Variants in SPEN observed in about 807,000 individuals in gnomAD.
SPEN encodes msx2-interacting protein.
In SPEN, 18 loss-of-function variants were observed where a neutral mutation model predicts 269.9. The ratio of observed to expected loss-of-function variants is 0.07; its 90% CI spans 0.05 to 0.10. The LOEUF is 0.10. SPEN is among the 10% of genes least tolerant of loss of function. The pLI is 1.00. For synonymous variants in SPEN, 1,726 were observed against 1,765.7 expected, an observed-to-expected ratio of 0.98 and a Z score of 0.56; for missense variants, 3,822 against 4,631.2, an observed-to-expected ratio of 0.83 and a Z score of 5.07.
rs777364899 is a variant in SPEN, at chr1:15,933,456, C to G, written c.7216C>G (p.Pro2406Ala). Reference protein sequence around the residue: ...QSCTSDLSKIPSTENSSQEIS... With the variant: ...QSCTSDLSKIASTENSSQEIS... ...ATGTACTTCTGACCTAAGCAAGATT[C>G]CCTCCACAGAGAATTCGTCCCAAGA... Residue 2406 changes from proline to alanine, a missense_variant, in exon 11 of 15, where the codon CCC (proline) becomes GCC (alanine). Transcript: ENST00000375759. The surrounding 1 kb of genome is among the most constrained non-coding windows in gnomAD (Gnocchi z 5.7). 4.3e-6 allele frequency: 7 copies of G among 1,614,024 alleles called. No individual in the cohort carries two copies. In the African/African-American group the frequency reaches 9.3e-5, roughly 22 times the overall value.
At chr1:15,853,122 G>A (rs529823577) in intron 1 of SPEN, among the ~76,000 whole-genome samples, 1 of 152,282 alleles carries the variant, frequency 6.6e-6, no homozygotes, top group East Asian at 1.9e-4. Flanking sequence ...AGAGTGCTGG[G>A]ATTATAGGCA....
intron 3 of SPEN, among the ~76,000 whole-genome samples, chr1:15,879,940 G>A (rs1191754467): frequency 3.3e-5 from 5 of 152,126 alleles, no homozygotes; most frequent in Non-Finnish European, 5.9e-5. Context: ...AAAGTGCTGG[G>A]ATTACAGGCG....
chr1:15,931,594 C>T lies in SPEN; in HGVS notation c.5354C>T (p.Pro1785Leu), dbSNP rs1162140527. 3 of 1,614,138 alleles carry T rather than the reference C, an allele frequency of 1.9e-6. No individual in the cohort carries two copies. In the South Asian group the frequency reaches 3.3e-5, roughly 18 times the overall value. Residue 1785 changes from proline (P) to leucine (L), a missense_variant, in exon 11 of 15, where the codon CCT becomes CTT. By Grantham distance (98) the Pro-to-Leu change is moderately conservative. This residue lies in a region of SPEN where 533 missense variants were observed against 618.8 expected (regional missense o/e 0.86). Coordinates refer to ENST00000375759, the MANE Select transcript of SPEN (RefSeq NM_015001.3). This position sits in a 1 kb window ranked among gnomAD's most constrained non-coding sequence, Gnocchi z 4.8. ...EKPDATADAE[P>L]DANQKAEAAP... The stretch of plus-strand genomic sequence containing the variant: ...CCAGACGCCACTGCAGATGCTGAGC[C>T]TGATGCAAACCAGAAAGCCGAAGCT...
At chr1:15,867,956 C>G (rs2070531960) in intron 1 of SPEN, among the ~76,000 whole-genome samples, 1 of 151,970 alleles carries the variant, frequency 6.6e-6, no homozygotes, top group Non-Finnish European at 1.5e-5. Flanking sequence ...GCTTCAGCCT[C>G]CTGAGTAGCT....
chr1:15,892,559 G>T (rs1432283211), intron 3 of SPEN, among the ~76,000 whole-genome samples: 2 of 152,002 alleles, frequency 1.3e-5, no homozygotes, highest in Non-Finnish European at 2.9e-5. Flanking sequence ...TAATAGAAAA[G>T]CCTCTTGGGA....
chr1:15,871,962 C>T (rs186048168), intron 1 of SPEN, among the ~76,000 whole-genome samples: 1 of 152,186 alleles, frequency 6.6e-6, no homozygotes, highest in Admixed American at 6.5e-5. Flanking sequence ...AGGCCGGGTG[C>T]TGTGGCTCAT....
intron 10 of SPEN, among the ~76,000 whole-genome samples, chr1:15,923,578 T>C (rs1570052174): frequency 6.6e-6 from 1 of 152,356 alleles, no homozygotes. Flanking sequence ...CTACTGCCTC[T>C]TCTTGCCAAT....
At chr1:15,853,034 G>T (rs2070351140) in intron 1 of SPEN, among the ~76,000 whole-genome samples, 2 of 151,852 alleles carry the variant, frequency 1.3e-5, no homozygotes, top group Admixed American at 1.3e-4. Context: ...TTTTTTATAG[G>T]GATGGAAGGT....
Position 15,932,299 on chromosome 1 carries a change from A to G in SPEN, c.6059A>G (p.Gln2020Arg), listed in dbSNP as rs183662835. The stretch of plus-strand genomic sequence containing the variant: ...GAGGCCACCACTGAGGTGGGCCCCC[A>G]AATAGGCGTGAAAGAGAGCTCCATG... ...RPEATTEVGP[Q>R]IGVKESSMEP... is the part of the protein sequence containing the mutation. Residue 2020 changes from glutamine to arginine, a missense_variant, in exon 11 of 15, where the codon CAA becomes CGA. By Grantham distance (43) the Gln-to-Arg change is conservative (BLOSUM62 1). Transcript: ENST00000375759. This position sits in a 1 kb window ranked among gnomAD's most constrained non-coding sequence, Gnocchi z 4.2. 13 of 1,607,612 alleles carry G rather than the reference A, an allele frequency of 8.1e-6. No homozygotes were observed. In the East Asian group the frequency reaches 2.9e-4, roughly 36 times the overall value.
At chr1:15,902,053 C>G (rs1274829278) in intron 3 of SPEN, among the ~76,000 whole-genome samples, 1 of 151,228 alleles carries the variant, frequency 6.6e-6, no homozygotes, top group Non-Finnish European at 1.5e-5. Flanking sequence ...CTTAGCCTCC[C>G]AAGTAGCTGG....
rs769251513 is a variant in SPEN, at chr1:15,932,126, AGAG to A, written c.5893_5895del (p.Glu1965del). On this transcript the variant is annotated inframe_deletion, in exon 11 of 15. Coordinates refer to ENST00000375759, the MANE Select transcript of SPEN (RefSeq NM_015001.3). This position sits in a 1 kb window ranked among gnomAD's most constrained non-coding sequence, Gnocchi z 4.2. ...CAAAGACACGCCGGCGAGCCGATGA[AGAG>A]GAGGAGAACGAGGCCAAGGAACCTG... 75 of 1,613,890 alleles carry A rather than the reference AGAG, an allele frequency of 4.6e-5. No homozygotes were observed. In the Admixed American group the frequency reaches 1.0e-3, roughly 22 times the overall value.
At position 15,892,324 on chromosome 1, in the gene SPEN, C is replaced by T. The variant is rs1313413439; in HGVS notation, c.881+15646C>T. 2.6e-5 allele frequency among the ~76,000 whole-genome samples: 4 copies of T among 152,078 alleles called. No homozygotes were observed. The South Asian group carries it at 6.2e-4, about 24-fold the overall frequency. ...CAGGCGTGAGCCACTGCTCCCAGCT[C>T]TTCGTTTTACTTTTTAAAATATGAC... On this transcript the variant is annotated intron_variant, in intron 3 of 14. Transcript: ENST00000375759.
Position 15,902,021 on chromosome 1 carries a change from C to T in SPEN, c.882-7300C>T, listed in dbSNP as rs977682247. ...TCGGCTCGCTGCAACCTCCACTTCCCAGGTTCAAACGATTCTCATGCCTTA... is the reference window on the plus strand; with the variant it reads ...TCGGCTCGCTGCAACCTCCACTTCCTAGGTTCAAACGATTCTCATGCCTTA... On this transcript the variant is annotated intron_variant, in intron 3 of 14. Transcript: ENST00000375759. Among the ~76,000 whole-genome samples the T allele has an allele frequency of 4.4e-4, 66 of 150,198 alleles. 1 individual carries two copies. The highest frequency in any genetic ancestry group is 1.3e-4 in the Admixed American group (2 of 14,996).
At position 15,931,803 on chromosome 1, in the gene SPEN, T is replaced by G; in HGVS notation, c.5563T>G (p.Ser1855Ala). Reference sequence around the variant, plus strand: ...GATAGACCGGGAAAAACTCAAGCGGTCCAATTCTCCTCGGGGAGAAGCACA... The same window carrying G: ...GATAGACCGGGAAAAACTCAAGCGGGCCAATTCTCCTCGGGGAGAAGCACA... ...ERIDREKLKR[S>A]NSPRGEAQKL... Residue 1855 changes from serine (S) to alanine (A), a missense_variant, in exon 11 of 15, where the codon TCC becomes GCC. Around this residue, in one of 16 missense-constraint regions of SPEN, gnomAD observed 533 missense variants for 618.8 expected, o/e 0.86. Coordinates refer to ENST00000375759, the MANE Select transcript of SPEN (RefSeq NM_015001.3). The surrounding 1 kb of genome is among the most constrained non-coding windows in gnomAD (Gnocchi z 4.8). 1 of 1,614,102 alleles carries G rather than the reference T, an allele frequency of 6.2e-7. No individual in the cohort carries two copies. The highest frequency in any genetic ancestry group is 8.5e-7 in the Non-Finnish European group (1 of 1,180,028).
At chr1:15,906,301 A>G (rs1017799220) in intron 3 of SPEN, among the ~76,000 whole-genome samples, 4 of 152,128 alleles carry the variant, frequency 2.6e-5, no homozygotes, top group African/African-American at 9.7e-5. Context: ...TAATTCATTG[A>G]TAAGGGGCCT....
intron 3 of SPEN, among the ~76,000 whole-genome samples, chr1:15,904,915 T>A (rs1462927695): frequency 2.0e-5 from 3 of 150,588 alleles, no homozygotes; most frequent in African/African-American, 7.3e-5. Context: ...TGAGACGGAG[T>A]TTCGCCCTTA....
intron 13 of SPEN, 69 bp from the exon 14 acceptor site, chr1:15,938,649 T>C: frequency 6.8e-7 from 1 of 1,470,072 alleles, no homozygotes; most frequent in Middle Eastern, 2.0e-4. Context: ...GACCTGATAC[T>C]GTGGGTTGGA....
chr1:15,890,484 C>A (rs1470177597), intron 3 of SPEN, among the ~76,000 whole-genome samples: 1 of 151,718 alleles, frequency 6.6e-6, no homozygotes, highest in African/African-American at 2.4e-5. Flanking sequence ...CCCACCCCGA[C>A]CTCCCAAAGT....
intron 1 of SPEN, among the ~76,000 whole-genome samples, chr1:15,862,048 T>TA (rs1050644643): frequency 1.3e-5 from 2 of 151,868 alleles, no homozygotes; most frequent in East Asian, 1.9e-4. Context: ...TCTCAAAAAA[T>TA]AAAAAAACAA....
Sources: gnomAD v4.1 joint callset for allele counts (sites outside exome capture counted in the v4.1 genomes callset) on GRCh38, gnomAD v4.1.1 for gene constraint, gnomAD v4.1.1 regional missense constraint, Gnocchi (gnomAD v3.1) non-coding constraint, MANE v1.5 for transcripts, NCBI Gene and HGNC (gene_info 2026-07-23, HGNC 2026-07-21) for gene names.